Variants in CUX1 observed in about 807,000 individuals in gnomAD.
CUX1 encodes the protein cut like homeobox 1, also known as protein CASP.
A neutral mutation model predicts 158.8 loss-of-function variants in CUX1; 31 were observed. The observed-to-expected ratio is 0.20, with a 90% confidence interval of 0.15 to 0.26. CUX1 has a LOEUF of 0.26. CUX1 is among the 10% of genes least tolerant of loss of function. CUX1 has a pLI of 1.00. For synonymous variants in CUX1, 879 were observed against 862.1 expected, an observed-to-expected ratio of 1.02 and a Z score of -0.34; for missense variants, 1,589 against 2,014.6, an observed-to-expected ratio of 0.79 and a Z score of 4.04.
intron 1 of CUX1, among the ~76,000 whole-genome samples, chr7:101,887,163 A>AG (rs1160758813): frequency 2.0e-5 from 3 of 152,016 alleles, no homozygotes; most frequent in Admixed American, 6.5e-5. Context: ...TTTGCTGGGG[A>AG]GGGGGTCTCT....
chr7:102,251,965 T>G lies in CUX1; in HGVS notation c.*2923T>G, dbSNP rs554650915. ...CTCCCAAGCAATTTAGTCATATGTGTTGTTTTCTCTTTTCTGTTTTTACTT... is the reference window on the plus strand; with the variant it reads ...CTCCCAAGCAATTTAGTCATATGTGGTGTTTTCTCTTTTCTGTTTTTACTT... On this transcript the variant is annotated 3_prime_UTR_variant, in exon 24 of 24. Transcript: ENST00000292535. 7 of 985,414 alleles carry G rather than the reference T, an allele frequency of 7.1e-6. No homozygotes were observed. Among genetic ancestry groups the G allele is most frequent in the African/African-American group, 1.7e-5 (1 of 57,364 alleles). The allele number at this position is 985,414 out of a possible 1,614,324, so 61.0% of individuals were successfully genotyped here. A position where few individuals can be genotyped will look rare whatever the true frequency, so the allele number is the denominator to read the frequency against.
intron 21 of CUX1, among the ~76,000 whole-genome samples, chr7:102,228,370 T>C (rs1798573627): frequency 6.6e-6 from 1 of 151,948 alleles, no homozygotes; most frequent in Admixed American, 6.6e-5. Flanking sequence ...CAAAGAATTT[T>C]AAAATTAGCT....
chr7:101,833,804 G>T (rs1188469629), intron 1 of CUX1, among the ~76,000 whole-genome samples: 1 of 152,084 alleles, frequency 6.6e-6, no homozygotes, highest in Non-Finnish European at 1.5e-5. Flanking sequence ...CCTTTTTGCA[G>T]ACTGGTTTTA....
In CUX1 at chr7:102,204,533, T is replaced by C. The variant is rs1158111381; in HGVS notation, c.3050T>C (p.Val1017Ala). ...GAGCTAGGCCAGGGTGTTCTACCCG[T>C]CCAGGGCCAGCAGCAAGGGCCAGGT... The part of the protein sequence containing the change: ...NGELGQGVLP[V>A]QGQQQGPVLH... Residue 1017 changes from valine (V) to alanine (A), a missense_variant, in exon 19 of 24, where the codon GTC (valine) becomes GCC (alanine). Val to Ala is a moderately conservative substitution (Grantham distance 64). This residue lies in a region of CUX1 where 259 missense variants were observed against 373.8 expected (regional missense o/e 0.69). Transcript: ENST00000292535. The C allele has an allele frequency of 1.2e-6, 2 of 1,613,276 alleles. No homozygotes were observed. The highest frequency in any genetic ancestry group is 2.7e-5 in the African/African-American group (2 of 74,916).
intron 1 of CUX1, among the ~76,000 whole-genome samples, chr7:101,861,511 G>A (rs2131364311): frequency 6.6e-6 from 1 of 151,864 alleles, no homozygotes; most frequent in African/African-American, 2.4e-5. Context: ...ATGCTGGGCT[G>A]CAAAGCTGGT....
intron 20 of CUX1, among the ~76,000 whole-genome samples, chr7:102,212,733 A>G (rs1796678863): frequency 7.9e-6 from 1 of 126,596 alleles, no homozygotes; most frequent in Non-Finnish European, 1.6e-5. Flanking sequence ...CTAAATATTT[A>G]TTCCACGCAG....
intron 3 of CUX1, among the ~76,000 whole-genome samples, chr7:102,045,827 G>A (rs1822710207): frequency 6.6e-6 from 1 of 152,180 alleles, no homozygotes; most frequent in Non-Finnish European, 1.5e-5. Flanking sequence ...TCGAACTCGG[G>A]CAGAGTGGGC....
intron 3 of CUX1, among the ~76,000 whole-genome samples, chr7:102,060,586 TATATATACACACACACAAATAAAC>T (rs757867029): frequency 0.11 from 15,867 of 139,842 alleles, 1,004 homozygotes; most frequent in Middle Eastern, 0.2. Flanking sequence ...TATACATATA[TATATATACACACACACAAATAAAC>T]ACACACACAC....
At chr7:101,897,666 C>A (rs1801665513) in intron 1 of CUX1, among the ~76,000 whole-genome samples, 2 of 152,074 alleles carry the variant, frequency 1.3e-5, no homozygotes, top group South Asian at 4.2e-4. Context: ...GTTTTCACAC[C>A]CAGCTTCAAT....
chr7:102,133,467 C>CTTTTTT (rs11266929), intron 8 of CUX1, among the ~76,000 whole-genome samples: 2 of 90,574 alleles, frequency 2.2e-5, no homozygotes, highest in Non-Finnish European at 4.2e-5. Context: ...AAAAATACAT[C>CTTTTTT]TTTTTTTTTT....
intron 1 of CUX1, among the ~76,000 whole-genome samples, chr7:101,843,876 A>AT (rs1281741872): frequency 6.6e-6 from 1 of 152,226 alleles, no homozygotes; most frequent in Non-Finnish European, 1.5e-5. Flanking sequence ...GAACCTTTTG[A>AT]AAGAGCCAAT....
At chr7:101,824,258 T>G (rs1584655830) in intron 1 of CUX1, 1 of 152,192 alleles carries the variant, frequency 6.6e-6, no homozygotes, top group Non-Finnish European at 1.5e-5. Context: ...CCAGCTAATT[T>G]TTGTGTTTTT....
intron 3 of CUX1, among the ~76,000 whole-genome samples, chr7:102,042,289 A>G (rs1822210331): frequency 6.6e-6 from 1 of 152,108 alleles, no homozygotes; most frequent in Non-Finnish European, 1.5e-5. Context: ...TCCGGTGTAG[A>G]AGGCCTGGGG....
chr7:102,021,558 T>A (rs1585306103), intron 2 of CUX1, among the ~76,000 whole-genome samples: 1 of 151,798 alleles, frequency 6.6e-6, no homozygotes, highest in East Asian at 1.9e-4. Flanking sequence ...TCCTCCTGCC[T>A]TGGCCTCCCA....
At chr7:102,276,822 G>T (rs1791637101) in intron 17 of CUX1, among the ~76,000 whole-genome samples, 1 of 152,162 alleles carries the variant, frequency 6.6e-6, no homozygotes, top group African/African-American at 2.4e-5. Context: ...AGTGACTGCT[G>T]GCAGGTTTGG....
intron 2 of CUX1, among the ~76,000 whole-genome samples, chr7:102,021,131 G>A (rs1158999037): frequency 6.6e-6 from 1 of 152,030 alleles, no homozygotes; most frequent in African/African-American, 2.4e-5. Context: ...TAGTGCTCTT[G>A]GAAAGACTAC....
At position 102,239,281 on chromosome 7, in the gene CUX1, G is replaced by A. The variant is rs1554533921; in HGVS notation, c.3623-39G>A. On this transcript the variant is annotated intron_variant, in intron 22 of 23. Coordinates refer to ENST00000292535, the MANE Select transcript of CUX1 (RefSeq NM_181552.4). Reference sequence around the variant, plus strand: ...ACTGGGGATTTGGGCTGCTGTCCCAGCTGGGCCTGACCTTAGTCTGCCATC... The same window carrying A: ...ACTGGGGATTTGGGCTGCTGTCCCAACTGGGCCTGACCTTAGTCTGCCATC... 2.5e-6 allele frequency: 4 copies of A among 1,573,580 alleles called. No individual in the cohort carries two copies. In the South Asian group the frequency reaches 4.6e-5, roughly 18 times the overall value.
At chr7:101,921,404 C>T (rs1434743872) in intron 2 of CUX1, among the ~76,000 whole-genome samples, 4 of 152,066 alleles carry the variant, frequency 2.6e-5, no homozygotes, top group Non-Finnish European at 4.4e-5. Context: ...TTCTGTTCCT[C>T]AGAGCTAGCT....
In CUX1 at chr7:102,156,666, G is replaced by T. The variant is rs113539522; in HGVS notation, c.675-1894G>T. On this transcript the variant is annotated intron_variant, in intron 8 of 23. Coordinates refer to ENST00000292535, the MANE Select transcript of CUX1 (RefSeq NM_181552.4). ...GGTGGGTGGGTACTCTCACTTGGACGTGCCTCCTTGGGACCATGGAGCAGG... is the reference window on the plus strand; with the variant it reads ...GGTGGGTGGGTACTCTCACTTGGACTTGCCTCCTTGGGACCATGGAGCAGG... Among the ~76,000 whole-genome samples the T allele has an allele frequency of 6.6e-5, 10 of 152,218 alleles. No individual in the cohort carries two copies. In the Middle Eastern group the frequency reaches 0.01, roughly 155 times the overall value.
Sources: allele counts gnomAD v4.1 joint callset (sites outside exome capture counted in the v4.1 genomes callset), GRCh38; gene constraint gnomAD v4.1.1; regional missense constraint gnomAD v4.1.1; transcripts MANE v1.5; gene names NCBI Gene and HGNC (gene_info 2026-07-23, HGNC 2026-07-21).